TLK1: variants seen among roughly 807,000 people sequenced by gnomAD.
TLK1 encodes the protein tousled like kinase 1, also known as serine/threonine-protein kinase tousled-like 1.
In TLK1, 24 loss-of-function variants were observed where a neutral mutation model predicts 105.3. That is an observed-to-expected ratio of 0.23 (90% CI 0.17 to 0.32). The LOEUF is 0.32. Among genes scored for constraint, TLK1 ranks in the 10% least tolerant of loss-of-function variants. The pLI, the probability that TLK1 is intolerant of heterozygous loss-of-function variation, is 1.00. For missense variants in TLK1, 558 were observed against 910.5 expected (o/e 0.61, Z 4.98); for synonymous variants, 321 against 310.4 (o/e 1.03, Z -0.36).
chr2:171,160,181 C>T lies in TLK1; in HGVS notation c.139+109G>A. 1 of 1,205,682 alleles carries T rather than the reference C, an allele frequency of 8.3e-7. No individual in the cohort carries two copies. The highest frequency in any genetic ancestry group is 1.0e-6 in the Non-Finnish European group (1 of 956,114). The allele number at this position is 1,205,682 out of a possible 1,614,324, so 74.7% of individuals were successfully genotyped here. ...GTCCACCTCGCCACCATCCCCCACC[C>T]CAGGGTCTGGCGGAGAAGCCCCGGG... On this transcript the variant is annotated intron_variant, in intron 1 of 20. Transcript: ENST00000431350. This position sits in a 1 kb window ranked among gnomAD's most constrained non-coding sequence, Gnocchi z 4.4.
chr2:171,212,146 C>T (rs1343170826), intron 1 of TLK1, among the ~76,000 whole-genome samples: 1 of 152,104 alleles, frequency 6.6e-6, no homozygotes, highest in African/African-American at 2.4e-5. Flanking sequence ...GGCCTCCTCT[C>T]GTTTTAAAGC....
At chr2:171,124,301 C>CAAAAAA (rs1481219291) in intron 1 of TLK1, among the ~76,000 whole-genome samples, 2 of 152,196 alleles carry the variant, frequency 1.3e-5, no homozygotes, top group African/African-American at 4.8e-5. Context: ...AATATAGACA[C>CAAAAAA]TATTTTGCCT....
intron 11 of TLK1, among the ~76,000 whole-genome samples, chr2:171,044,676 C>A (rs907334941): frequency 6.6e-6 from 1 of 152,010 alleles, no homozygotes; most frequent in African/African-American, 2.4e-5. Flanking sequence ...AATGTGACGG[C>A]CTAGGACATA....
chr2:171,193,664 G>A (rs2105315405), intron 1 of TLK1, among the ~76,000 whole-genome samples: 1 of 142,478 alleles, frequency 7.0e-6, no homozygotes, highest in African/African-American at 2.7e-5. Flanking sequence ...GCCTCCCAAA[G>A]TGCTGGGATT....
rs1201263656 is a variant in TLK1 at position 171,230,745 on chromosome 2, A to G, written c.-6+400T>C. 3.3e-5 allele frequency among the ~76,000 whole-genome samples: 5 copies of G among 152,182 alleles called. No homozygotes were observed. In the East Asian group the frequency reaches 9.6e-4, roughly 29 times the overall value. ...ACAGACCTACTACAGTTACATAATC[A>G]TTCTGGAAAATGTTGATTCTGGGCT... On this transcript the variant is annotated intron_variant, in intron 1 of 20. Coordinates refer to the TLK1 transcript ENST00000521943.
chr2:171,166,944 A>G (rs982353645), intron 1 of TLK1, among the ~76,000 whole-genome samples: 4 of 152,260 alleles, frequency 2.6e-5, no homozygotes, highest in African/African-American at 9.6e-5. Flanking sequence ...GTTACAGAAG[A>G]ACAAAGTCAG....
chr2:171,165,780 G>A (rs528287909), upstream of TLK1, among the ~76,000 whole-genome samples: 183 of 151,836 alleles, frequency 1.2e-3, no homozygotes, highest in African/African-American at 3.0e-3. Flanking sequence ...GCATGGTGGC[G>A]CACACCTGTA....
intron 1 of TLK1, among the ~76,000 whole-genome samples, chr2:171,180,364 T>A (rs1267034614): frequency 1.3e-5 from 2 of 152,174 alleles, no homozygotes. Flanking sequence ...TTCTTGAGTA[T>A]GGATAATTGA....
intron 8 of TLK1, 76 bp downstream of exon 8, chr2:171,053,685 T>G: frequency 5.0e-6 from 6 of 1,197,770 alleles, no homozygotes; most frequent in African/African-American, 1.6e-5. Context: ...TTTACAATGC[T>G]AAGTATTTTC....
intron 11 of TLK1, among the ~76,000 whole-genome samples, chr2:171,031,861 T>C (rs1345795715): frequency 6.6e-6 from 1 of 152,200 alleles, no homozygotes; most frequent in Admixed American, 6.5e-5. Context: ...AGACATTCTG[T>C]TTAAGCAGAG....
intron 2 of TLK1, among the ~76,000 whole-genome samples, chr2:171,099,836 A>T (rs1242538235): frequency 1.3e-5 from 2 of 152,204 alleles, no homozygotes; most frequent in Non-Finnish European, 2.9e-5. Context: ...CCTACCTCAT[A>T]CCATATATGC....
intron 1 of TLK1, among the ~76,000 whole-genome samples, chr2:171,150,499 C>T (rs754659065): frequency 6.6e-6 from 1 of 152,162 alleles, no homozygotes; most frequent in South Asian, 2.1e-4. Flanking sequence ...CCCAACTCAC[C>T]CTAACCACAG....
chr2:171,109,079 G>A (rs1455405630), intron 2 of TLK1, among the ~76,000 whole-genome samples: 2 of 152,102 alleles, frequency 1.3e-5, no homozygotes, highest in Admixed American at 6.6e-5. Flanking sequence ...TGAACAGCAA[G>A]TAGAAATACA....
At chr2:171,175,092 G>C (rs974873222) in intron 1 of TLK1, among the ~76,000 whole-genome samples, 2 of 152,016 alleles carry the variant, frequency 1.3e-5, no homozygotes, top group African/African-American at 2.4e-5. Context: ...TCAGCCCCAG[G>C]TGCGGTGGTG....
chr2:171,048,461 A>G (rs1303989986), intron 10 of TLK1, among the ~76,000 whole-genome samples: 1 of 152,156 alleles, frequency 6.6e-6, no homozygotes, highest in Non-Finnish European at 1.5e-5. Flanking sequence ...TGCTTTAATC[A>G]CCTTTCATCT....
Position 171,049,879 on chromosome 2 carries a change from T to A in TLK1, c.915A>T (p.Thr305=), listed in dbSNP as rs761066272. 1 of 1,613,878 alleles carries A rather than the reference T, an allele frequency of 6.2e-7. No individual in the cohort carries two copies. Among genetic ancestry groups the A allele is most frequent in the Non-Finnish European group, 8.5e-7 (1 of 1,179,972 alleles). ...CAGTAAATGAAGCGCCATGTCTAAC[T>A]GTTGTAAAGTGCCCGAGGCGTAATC... ...QDRLRLGHFT[T]VRHGASFTEQ... Residue 305 remains threonine (T), a synonymous_variant, in exon 10 of 21, where the codon ACA becomes ACT. Transcript: ENST00000431350.
chr2:171,061,076 C>T lies in TLK1; in HGVS notation c.406+5G>A, dbSNP rs1687727351. The stretch of plus-strand genomic sequence containing the variant: ...AGGCTCTGAAGGAAGATGTTATGTG[C>T]TTACCCTGACTACTTTCATTCTGGT... On this transcript the variant is annotated splice_donor_5th_base_variant and intron_variant, in intron 4 of 20. Transcript: ENST00000431350. The T allele has an allele frequency of 3.1e-6, 5 of 1,613,082 alleles. No individual in the cohort carries two copies. Among genetic ancestry groups the T allele is most frequent in the Middle Eastern group, 1.6e-4 (1 of 6,070 alleles).
chr2:171,068,185 C>T (rs947854226), intron 3 of TLK1, among the ~76,000 whole-genome samples: 3 of 151,896 alleles, frequency 2.0e-5, no homozygotes, highest in Admixed American at 1.3e-4. Context: ...AAAAATTAGC[C>T]AGATCTGGTG....
chr2:171,148,417 T>C (rs2105591126), intron 1 of TLK1, among the ~76,000 whole-genome samples: 1 of 152,110 alleles, frequency 6.6e-6, no homozygotes, highest in East Asian at 1.9e-4. Context: ...TGCGTGACTT[T>C]GGGCATGCTG....
Sources: allele counts gnomAD v4.1 joint callset (sites outside exome capture counted in the v4.1 genomes callset), GRCh38; gene constraint gnomAD v4.1.1; non-coding constraint Gnocchi (gnomAD v3.1); transcripts MANE v1.5; gene names NCBI Gene and HGNC (gene_info 2026-07-23, HGNC 2026-07-21).